The following GLIS3 variants were observed in gnomAD, a reference collection of about 807,000 sequenced individuals.
GLIS3 encodes the protein zinc finger protein GLIS3.
In GLIS3, 53 loss-of-function variants were observed where a neutral mutation model predicts 78.6. The observed-to-expected ratio is 0.67, with a 90% CI of 0.54 to 0.85. The LOEUF is 0.85. Among genes scored for constraint, GLIS3 ranks in the 40% least tolerant of loss-of-function variants. GLIS3 has a pLI of 0.00. For synonymous variants in GLIS3, 684 were observed against 509.9 expected, an observed-to-expected ratio of 1.34 and a Z score of -4.60; for missense variants, 1,703 against 1,231.1, an observed-to-expected ratio of 1.38 and a Z score of -5.74.
At chr9:3,901,661 G>C (rs1314407722) in intron 6 of GLIS3, among the ~76,000 whole-genome samples, 8 of 152,212 alleles carry the variant, frequency 5.3e-5, no homozygotes, top group Non-Finnish European at 4.4e-5. Context: ...CCAAGGATAT[G>C]AAAGTGGCAC....
intron 2 of GLIS3, among the ~76,000 whole-genome samples, chr9:4,160,221 G>A (rs1835368507): frequency 6.6e-6 from 1 of 152,184 alleles, no homozygotes; most frequent in Non-Finnish European, 1.5e-5. Flanking sequence ...TTTAAATAAT[G>A]GATGAACGAA....
chr9:4,239,031 G>T (rs1188672116), intron 2 of GLIS3, among the ~76,000 whole-genome samples: 4 of 151,796 alleles, frequency 2.6e-5, no homozygotes, highest in Admixed American at 2.6e-4. Flanking sequence ...CATTTTTTAT[G>T]GCTGCATAGT....
chr9:4,129,538 G>A (rs185548367), intron 2 of GLIS3, among the ~76,000 whole-genome samples: 78 of 152,128 alleles, frequency 5.1e-4, no homozygotes, highest in East Asian at 4.6e-3. Context: ...AAAGTGTGTG[G>A]CACCTCCCCC....
intron 6 of GLIS3, among the ~76,000 whole-genome samples, chr9:3,916,287 T>C (rs146225330): frequency 7.9e-5 from 12 of 152,242 alleles, no homozygotes; most frequent in Middle Eastern, 3.4e-3. Flanking sequence ...CAAAAGAATA[T>C]CTCTATTCTA....
intron 8 of GLIS3, among the ~76,000 whole-genome samples, chr9:3,871,139 A>G (rs1820943764): frequency 6.6e-6 from 1 of 152,212 alleles, no homozygotes; most frequent in African/African-American, 2.4e-5. Flanking sequence ...CTTTGACTCC[A>G]TGTCTCATAC....
chr9:4,287,090 A>T (rs1447656914), intron 1 of GLIS3, among the ~76,000 whole-genome samples: 1 of 152,214 alleles, frequency 6.6e-6, no homozygotes, highest in East Asian at 1.9e-4. Context: ...TTATATATCC[A>T]CATATTCATA....
intron 2 of GLIS3, among the ~76,000 whole-genome samples, chr9:4,343,185 T>C (rs201778474): frequency 7.3e-6 from 1 of 137,528 alleles, no homozygotes; most frequent in Non-Finnish European, 1.6e-5. Flanking sequence ...CAAAAAAAAA[T>C]TAAAAAATTA....
chr9:4,468,541 C>T, the GLIS3 span, among the ~76,000 whole-genome samples: 4 of 152,124 alleles, frequency 2.6e-5, no homozygotes, highest in African/African-American at 4.8e-5. Context: ...AACTAAACTT[C>T]GTAAGTGAAG....
At chr9:3,880,009 C>T (rs929782969) in intron 7 of GLIS3, among the ~76,000 whole-genome samples, 11 of 152,178 alleles carry the variant, frequency 7.2e-5, no homozygotes, top group African/African-American at 2.2e-4. Flanking sequence ...CCTTCTTCCT[C>T]TTCTCACTGC....
chr9:4,302,618 G>C (rs577496350), upstream of GLIS3, among the ~76,000 whole-genome samples: 19 of 152,286 alleles, frequency 1.2e-4, no homozygotes, highest in South Asian at 6.2e-4. Context: ...CTCCTACTTA[G>C]AAGCAAAGAA....
At chr9:4,334,354 A>G (rs1042607475) in intron 2 of GLIS3, among the ~76,000 whole-genome samples, 1 of 152,224 alleles carries the variant, frequency 6.6e-6, no homozygotes, top group East Asian at 1.9e-4. Flanking sequence ...CGTGGCAGCT[A>G]CAGAGTATGT....
At chr9:4,424,289 A>C in the GLIS3 span, among the ~76,000 whole-genome samples, 4 of 152,246 alleles carry the variant, frequency 2.6e-5, no homozygotes, top group South Asian at 2.1e-4. Context: ...GTGTATTTTT[A>C]AGTCTCTATG....
chr9:3,955,334 C>G (rs1817028060), intron 4 of GLIS3, among the ~76,000 whole-genome samples: 1 of 152,180 alleles, frequency 6.6e-6, no homozygotes, highest in African/African-American at 2.4e-5. Flanking sequence ...GACAGTTTCT[C>G]AACTCAGCTT....
chr9:4,446,470 T>C, the GLIS3 span, among the ~76,000 whole-genome samples: 2 of 151,876 alleles, frequency 1.3e-5, no homozygotes, highest in Non-Finnish European at 2.9e-5. Context: ...GTTGTAGCTG[T>C]CCAAGTGGAC....
chr9:4,118,547 C>T lies in GLIS3; in HGVS notation c.931G>A (p.Gly311Ser), dbSNP rs1456102660. The T allele has an allele frequency of 9.9e-6, 16 of 1,614,236 alleles. No homozygotes were observed. Among genetic ancestry groups the T allele is most frequent in the Non-Finnish European group, 1.1e-5 (13 of 1,180,030 alleles). The change falls in exon 4 of 11, where the codon GGC becomes AGC. Residue 311 changes from glycine to serine, a missense_variant. By Grantham distance (56) the Gly-to-Ser change is moderately conservative. Transcript: ENST00000381971. The surrounding 1 kb of genome is among the most constrained non-coding windows in gnomAD (Gnocchi z 4.7). ...RALSLSPLSD[G>S]IGIDFNTIIR... is the part of the protein sequence containing the mutation. The stretch of plus-strand genomic sequence containing the variant: ...ATGGTATTGAAATCTATCCCGATGC[C>T]ATCGGACAGCGGGGACAAGGACAGC...
intron 2 of GLIS3, among the ~76,000 whole-genome samples, chr9:4,210,211 A>G (rs928159307): frequency 2.6e-5 from 4 of 152,360 alleles, no homozygotes; most frequent in Admixed American, 6.5e-5. Context: ...TTCTTGAGAA[A>G]ACATCAGAAA....
intron 2 of GLIS3, among the ~76,000 whole-genome samples, chr9:4,170,838 A>C (rs1332390202): frequency 2.6e-5 from 4 of 152,208 alleles, no homozygotes; most frequent in African/African-American, 9.6e-5. Flanking sequence ...CTAGTAAAAA[A>C]TGTTCATGAA....
chr9:4,025,442 G>A (rs1051564263), intron 4 of GLIS3, among the ~76,000 whole-genome samples: 1 of 152,014 alleles, frequency 6.6e-6, no homozygotes, highest in Non-Finnish European at 1.5e-5. Context: ...GGCTGGAGTG[G>A]GGTGGCGTGA....
At chr9:4,487,403 G>A in the GLIS3 span, among the ~76,000 whole-genome samples, 1 of 152,108 alleles carries the variant, frequency 6.6e-6, no homozygotes, top group African/African-American at 2.4e-5. Context: ...CCTCCATGAG[G>A]TAAAGATAAT....
Sources: allele counts gnomAD v4.1 joint callset (sites outside exome capture counted in the v4.1 genomes callset), GRCh38; gene constraint gnomAD v4.1.1; non-coding constraint Gnocchi (gnomAD v3.1); transcripts MANE v1.5; gene names NCBI Gene and HGNC (gene_info 2026-07-23, HGNC 2026-07-21).